ANO3: variants seen among roughly 807,000 people sequenced by gnomAD.
ANO3 encodes anoctamin 3.
ANO3 carries 99 observed loss-of-function variants against 144.8 expected under a neutral mutation model. The ratio of observed to expected loss-of-function variants is 0.68; its 90% confidence interval spans 0.58 to 0.81. ANO3 has a LOEUF of 0.81. Among genes scored for constraint, ANO3 ranks in the 30% least tolerant of loss-of-function variants. The pLI, the probability that ANO3 is intolerant of heterozygous loss-of-function variation, is 0.00. For synonymous variants in ANO3, 414 were observed against 392.6 expected (o/e 1.05, Z -0.64); for missense variants, 905 against 1,202.2 (o/e 0.75, Z 3.66).
chr11:26,219,154 AAAT>A (rs1406782262), intron 1 of ANO3, among the ~76,000 whole-genome samples: 3 of 152,184 alleles, frequency 2.0e-5, no homozygotes, highest in Non-Finnish European at 2.9e-5. Flanking sequence ...AAAAAAAGAA[AAAT>A]AATATGTCTC....
intron 1 of ANO3, among the ~76,000 whole-genome samples, chr11:26,278,722 A>G (rs1467401472): frequency 2.6e-5 from 4 of 152,156 alleles, no homozygotes; most frequent in African/African-American, 4.8e-5. Context: ...TCAGGTTAAT[A>G]TACTCTATTA....
chr11:26,239,822 G>A (rs1000458353), intron 1 of ANO3, among the ~76,000 whole-genome samples: 6 of 152,092 alleles, frequency 3.9e-5, no homozygotes, highest in Non-Finnish European at 7.4e-5. Context: ...CTAAAATATT[G>A]CAGGCAATTT....
chr11:26,407,495 T>C (rs916360842), intron 1 of ANO3, among the ~76,000 whole-genome samples: 1 of 151,812 alleles, frequency 6.6e-6, no homozygotes, highest in Non-Finnish European at 1.5e-5. Flanking sequence ...ATTCTAACTT[T>C]ATAAACTTTT....
At chr11:26,461,055 C>A (rs569564438) in intron 3 of ANO3, among the ~76,000 whole-genome samples, 20 of 151,940 alleles carry the variant, frequency 1.3e-4, no homozygotes, top group African/African-American at 4.3e-4. Flanking sequence ...CTCTAATAAC[C>A]AATGGTGAAA....
intron 16 of ANO3, 78 bp downstream of exon 16, chr11:26,599,076 G>T: frequency 6.9e-7 from 1 of 1,452,980 alleles, no homozygotes; most frequent in Non-Finnish European, 9.5e-7. Flanking sequence ...AACTCATTTT[G>T]TGACGTTGAG....
At chr11:26,577,394 TA>T (rs1851015062) in intron 14 of ANO3, among the ~76,000 whole-genome samples, 1 of 151,944 alleles carries the variant, frequency 6.6e-6, no homozygotes, top group Admixed American at 6.6e-5. Flanking sequence ...CCGTCTGTAC[TA>T]AAAATACAGA....
chr11:26,348,645 T>C (rs780882218), intron 1 of ANO3, among the ~76,000 whole-genome samples: 1 of 152,208 alleles, frequency 6.6e-6, no homozygotes, highest in Admixed American at 6.5e-5. Context: ...CCCTCAGACT[T>C]CTTGAAGATC....
chr11:26,511,860 A>G (rs554749132), intron 5 of ANO3, among the ~76,000 whole-genome samples: 1 of 152,316 alleles, frequency 6.6e-6, no homozygotes, highest in South Asian at 2.1e-4. Flanking sequence ...TCAATTAAAG[A>G]TCAAGATGGT....
intron 7 of ANO3, 95 bp from the exon 8 acceptor site, chr11:26,531,110 A>G: frequency 7.2e-7 from 1 of 1,387,070 alleles, no homozygotes; most frequent in Non-Finnish European, 9.9e-7. Flanking sequence ...CTCTTTTCAA[A>G]GAAGTTTCTT....
Position 26,509,246 on chromosome 11 carries a change from T to G in ANO3, c.591+984T>G, listed in dbSNP as rs1590435151. 2.0e-5 allele frequency among the ~76,000 whole-genome samples: 3 copies of G among 152,216 alleles called. No individual in the cohort carries two copies. In the East Asian group the frequency reaches 5.8e-4, roughly 29 times the overall value. On this transcript the variant is annotated intron_variant, in intron 5 of 26. Coordinates refer to ENST00000256737, the MANE Select transcript of ANO3 (RefSeq NM_031418.4). ...ATTACAACTTAGAGATTTACCCAGC[T>G]GTTCCGCTACTGAGAAAAAGAAAAT... is the stretch of plus-strand genomic sequence containing the variant.
At chr11:26,370,267 C>T (rs1166384566) in intron 1 of ANO3, among the ~76,000 whole-genome samples, 1 of 152,158 alleles carries the variant, frequency 6.6e-6, no homozygotes, top group African/African-American at 2.4e-5. Flanking sequence ...TTCGCCTTCG[C>T]TCAGCTCTCA....
chr11:26,293,535 A>ATATATATATATATC (rs1854013015), intron 1 of ANO3, among the ~76,000 whole-genome samples: 1 of 24,820 alleles, frequency 4.0e-5, no homozygotes, highest in African/African-American at 1.3e-4. Flanking sequence ...AATTCCATGT[A>ATATATATATATATC]TATATATATA....
rs141033418 is a variant in ANO3 at position 26,320,465 on chromosome 11, T to C, written c.-3+10746T>C. 3.5e-3 allele frequency among the ~76,000 whole-genome samples: 540 copies of C among 152,332 alleles called. 2 individuals are homozygous for C. The highest frequency in any genetic ancestry group is 0.012 in the African/African-American group (509 of 41,580). On this transcript the variant is annotated intron_variant, in intron 1 of 26. Transcript: ENST00000525139. ...GTCCACAAACTACAAAGATGTTGTA[T>C]GCTCTTAAAAACTTCTGTTAAATGA...
At chr11:26,219,940 A>C (rs915506971) in intron 1 of ANO3, among the ~76,000 whole-genome samples, 2 of 152,168 alleles carry the variant, frequency 1.3e-5, no homozygotes, top group Non-Finnish European at 2.9e-5. Context: ...GCTGAACTCA[A>C]ATATTACAGA....
chr11:26,246,456 TTATATATATA>T (rs150219099), intron 1 of ANO3, among the ~76,000 whole-genome samples: 1 of 140,036 alleles, frequency 7.1e-6, no homozygotes, highest in African/African-American at 2.6e-5. Flanking sequence ...AGTGTAGTCT[TTATATATATA>T]TATATATATA....
intron 8 of ANO3, among the ~76,000 whole-genome samples, chr11:26,533,379 C>A (rs1335575652): frequency 6.6e-6 from 1 of 151,948 alleles, no homozygotes; most frequent in Admixed American, 6.6e-5. Context: ...CTTTTAATGG[C>A]AAAAACTGCA....
intron 12 of ANO3, among the ~76,000 whole-genome samples, chr11:26,550,826 G>T (rs181023305): frequency 3.3e-5 from 5 of 151,826 alleles, no homozygotes; most frequent in Admixed American, 2.0e-4. Flanking sequence ...TTCTATTTTT[G>T]ATTTTTTGAG....
At chr11:26,533,376 T>G (rs1029817819) in intron 8 of ANO3, among the ~76,000 whole-genome samples, 1 of 152,150 alleles carries the variant, frequency 6.6e-6, no homozygotes, top group African/African-American at 2.4e-5. Context: ...TTACTTTTAA[T>G]GGCAAAAACT....
chr11:26,612,627 T>C (rs534089660), intron 17 of ANO3, among the ~76,000 whole-genome samples: 1 of 152,138 alleles, frequency 6.6e-6, no homozygotes, highest in African/African-American at 2.4e-5. Flanking sequence ...ACAATAATTA[T>C]ATTCTTTTTG....
Sources: gnomAD v4.1 joint callset for allele counts (sites outside exome capture counted in the v4.1 genomes callset) on GRCh38, gnomAD v4.1.1 for gene constraint, MANE v1.5 for transcripts, NCBI Gene and HGNC (gene_info 2026-07-23, HGNC 2026-07-21) for gene names.